The following HORMAD2 variants were observed in gnomAD, a reference collection of about 807,000 sequenced individuals.
The protein encoded by HORMAD2 is HORMA domain containing 2, also known as HORMA domain-containing protein 2.
Under a neutral mutation model 38.8 loss-of-function variants are expected in HORMAD2, and 45 were observed. The observed-to-expected ratio is 1.16, with a 90% CI of 0.91 to 1.49. The LOEUF is 1.49. Ranked by LOEUF, HORMAD2 falls within the 40% of genes most tolerant of loss-of-function variation. The pLI, the probability that HORMAD2 is intolerant of heterozygous loss-of-function variation, is 0.00. For missense variants in HORMAD2, 338 were observed against 367.0 expected, an observed-to-expected ratio of 0.92 and a Z score of 0.65; for synonymous variants, 126 against 122.8, an observed-to-expected ratio of 1.03 and a Z score of -0.17.
At chr22:30,153,624 G>A (rs1317905434) in intron 10 of HORMAD2, among the ~76,000 whole-genome samples, 3 of 152,076 alleles carry the variant, frequency 2.0e-5, no homozygotes, top group Non-Finnish European at 4.4e-5. Flanking sequence ...TGCTTCCTGT[G>A]TCCAATTCCC....
chr22:30,103,852 G>T (rs1047341290), intron 4 of HORMAD2, among the ~76,000 whole-genome samples: 23 of 151,246 alleles, frequency 1.5e-4, no homozygotes, highest in Non-Finnish European at 1.3e-4. Context: ...AGTAGAGACA[G>T]GGTTTCACCA....
chr22:30,160,768 G>A (rs1925394094), intron 10 of HORMAD2, among the ~76,000 whole-genome samples: 1 of 152,140 alleles, frequency 6.6e-6, no homozygotes, highest in South Asian at 2.1e-4. Context: ...TGATGCTGTA[G>A]AAAATTCTGT....
At chr22:30,114,249 C>T (rs1203224003) in intron 7 of HORMAD2, among the ~76,000 whole-genome samples, 1 of 152,138 alleles carries the variant, frequency 6.6e-6, no homozygotes. Flanking sequence ...GAGTGTTCCC[C>T]TTATGGGTAG....
At chr22:30,119,764 G>C (rs1162273281) in intron 8 of HORMAD2, among the ~76,000 whole-genome samples, 1 of 152,110 alleles carries the variant, frequency 6.6e-6, no homozygotes, top group African/African-American at 2.4e-5. Context: ...GGATGCCCTT[G>C]AAAGGAAAGA....
chr22:30,123,821 C>T (rs1344271845), intron 10 of HORMAD2, among the ~76,000 whole-genome samples: 1 of 151,628 alleles, frequency 6.6e-6, no homozygotes, highest in African/African-American at 2.4e-5. Flanking sequence ...TAGGTGTGCG[C>T]CACCACACCC....
intron 10 of HORMAD2, among the ~76,000 whole-genome samples, chr22:30,154,936 G>T (rs1047339538): frequency 6.6e-6 from 1 of 152,062 alleles, no homozygotes; most frequent in African/African-American, 2.4e-5. Flanking sequence ...TGGGTGTGGT[G>T]GCACGTGTCT....
upstream of HORMAD2, among the ~76,000 whole-genome samples, chr22:30,078,279 T>C (rs910757614): frequency 3.3e-5 from 5 of 152,010 alleles, no homozygotes; most frequent in African/African-American, 9.7e-5. Flanking sequence ...TTCCAGGTGA[T>C]AGAGAGAAAA....
chr22:30,088,288 C>CAT (rs965472514), intron 1 of HORMAD2, among the ~76,000 whole-genome samples: 40 of 150,384 alleles, frequency 2.7e-4, no homozygotes, highest in African/African-American at 9.0e-4. Context: ...TATATACATA[C>CAT]ATATATATAC....
At chr22:30,081,850 G>T (rs919075417) in intron 1 of HORMAD2, among the ~76,000 whole-genome samples, 6 of 152,112 alleles carry the variant, frequency 3.9e-5, no homozygotes, top group African/African-American at 1.4e-4. Context: ...CTCCCAGAGT[G>T]CTGGGATTAC....
chr22:30,207,018 C>T, the HORMAD2 span: 28 of 468,528 alleles, frequency 6.0e-5, no homozygotes, highest in African/African-American at 5.0e-4. Context: ...CAGCAGCCTC[C>T]ACCCGTCCCC....
chr22:30,088,164 CCT>C (rs1393864317), intron 1 of HORMAD2, among the ~76,000 whole-genome samples: 26 of 140,840 alleles, frequency 1.8e-4, no homozygotes, highest in Non-Finnish European at 4.7e-5. Context: ...TACACGTATA[CCT>C]ATGTATACAT....
chr22:30,135,722 G>T (rs1164684796), intron 10 of HORMAD2, among the ~76,000 whole-genome samples: 2 of 152,026 alleles, frequency 1.3e-5, no homozygotes, highest in African/African-American at 2.4e-5. Context: ...ACTCCAGAAG[G>T]GTTACATGTT....
At chr22:30,140,432 A>G (rs1923996915) in intron 10 of HORMAD2, among the ~76,000 whole-genome samples, 1 of 151,930 alleles carries the variant, frequency 6.6e-6, no homozygotes, top group African/African-American at 2.4e-5. Flanking sequence ...CTTTTTGTGG[A>G]TAGTTTTAAA....
At chr22:30,128,392 A>G (rs1923029187) in intron 10 of HORMAD2, among the ~76,000 whole-genome samples, 1 of 151,998 alleles carries the variant, frequency 6.6e-6, no homozygotes. Context: ...TATACTTAAC[A>G]TTATTGATTT....
At chr22:30,206,449 C>T in the HORMAD2 span, among the ~76,000 whole-genome samples, 7 of 151,092 alleles carry the variant, frequency 4.6e-5, no homozygotes, top group South Asian at 2.1e-4. Flanking sequence ...TGAGCCACCG[C>T]GCCTGGCCTG....
the HORMAD2 span, among the ~76,000 whole-genome samples, chr22:30,207,361 C>T: frequency 6.6e-6 from 1 of 152,132 alleles, no homozygotes; most frequent in African/African-American, 2.4e-5. Context: ...GGCAAGAAAC[C>T]ACTGATTAGG....
intron 10 of HORMAD2, among the ~76,000 whole-genome samples, chr22:30,174,066 A>T (rs188951887): frequency 1.3e-5 from 2 of 152,192 alleles, no homozygotes; most frequent in African/African-American, 4.8e-5. Flanking sequence ...TTTCAGATAC[A>T]TATGTGGATA....
At chr22:30,153,922 A>C (rs570765486) in intron 10 of HORMAD2, among the ~76,000 whole-genome samples, 1 of 152,332 alleles carries the variant, frequency 6.6e-6, no homozygotes, top group African/African-American at 2.4e-5. Flanking sequence ...CTCTGGCCCA[A>C]GCAAACAGTA....
At chr22:30,086,252 G>A (rs1330937574) in intron 1 of HORMAD2, among the ~76,000 whole-genome samples, 2 of 152,210 alleles carry the variant, frequency 1.3e-5, no homozygotes, top group East Asian at 3.9e-4. Context: ...TATGCTTCCT[G>A]TGTAGCCTGC....
Sources: allele counts gnomAD v4.1 joint callset (sites outside exome capture counted in the v4.1 genomes callset), GRCh38; gene constraint gnomAD v4.1.1; transcripts MANE v1.5; gene names NCBI Gene and HGNC (gene_info 2026-07-23, HGNC 2026-07-21).